SEPTIN6: variants seen among roughly 807,000 people sequenced by gnomAD.
SEPTIN6 encodes septin-6.
A neutral mutation model predicts 33.6 loss-of-function variants in SEPTIN6; 8 were observed. The observed-to-expected ratio is 0.24, with a 90% CI of 0.14 to 0.43. The LOEUF is 0.43. Among genes scored for constraint, SEPTIN6 ranks in the 20% least tolerant of loss-of-function variants. The pLI is 1.00. For missense variants in SEPTIN6, 250 were observed against 340.8 expected, an observed-to-expected ratio of 0.73 and a Z score of 2.10; for synonymous variants, 131 against 140.0, an observed-to-expected ratio of 0.94 and a Z score of 0.45.
At chrX:119,646,391 G>C (rs760448153) in intron 5 of SEPTIN6, among the ~76,000 whole-genome samples, 22 of 111,990 alleles carry the variant, frequency 2.0e-4, no homozygotes, top group Middle Eastern at 4.6e-3. Flanking sequence ...AATTAATGGA[G>C]CTCAGTCAAT....
At chrX:119,661,070 C>T (rs1204225373) in intron 3 of SEPTIN6, among the ~76,000 whole-genome samples, 1 of 77,226 alleles carries the variant, frequency 1.3e-5, no homozygotes, top group East Asian at 4.2e-4. Flanking sequence ...AAAAAAAAAG[C>T]AGAGATGTCT....
chrX:119,659,414 G>A (rs769982999), intron 3 of SEPTIN6, among the ~76,000 whole-genome samples: 1 of 111,721 alleles, frequency 9.0e-6, no homozygotes, highest in Non-Finnish European at 1.9e-5. Flanking sequence ...ATTCTGAAAT[G>A]TATTACTGAC....
At chrX:119,653,585 C>T (rs374170320) in intron 3 of SEPTIN6, among the ~76,000 whole-genome samples, 1 of 112,215 alleles carries the variant, frequency 8.9e-6, no homozygotes, top group South Asian at 3.7e-4. Flanking sequence ...CCCTTTATCT[C>T]GCCCTACAGT....
chrX:119,651,278 A>C (rs1247633049), intron 4 of SEPTIN6, among the ~76,000 whole-genome samples: 1 of 112,207 alleles, frequency 8.9e-6, no homozygotes, highest in Non-Finnish European at 1.9e-5. Flanking sequence ...CCTCCCTTGA[A>C]GTCTTTCAGG....
Position 119,653,036 on chromosome X carries a change from T to C in SEPTIN6, c.346A>G (p.Lys116Glu). Residue 116 changes from lysine (K) to glutamate (E), a missense_variant, in exon 4 of 11, where the codon AAG (lysine) becomes GAG (glutamate). Lys to Glu is a moderately conservative substitution (Grantham distance 56). This residue lies in a region of SEPTIN6 where 111 missense variants were observed against 113.8 expected (regional missense o/e 0.98). Coordinates refer to ENST00000394610, the MANE Select transcript of SEPTIN6 (RefSeq NM_145799.4). ...GCATCGATGAATTCCACGATAGGCT[T>C]GTAGCTAAAAGGGAGAGCAGGGACA... Reference protein sequence around the residue: ...GDQINKEDSYKPIVEFIDAQF... With the variant: ...GDQINKEDSYEPIVEFIDAQF... The C allele has an allele frequency of 8.3e-7, 1 of 1,206,543 alleles. No individual in the cohort carries two copies. Among genetic ancestry groups the C allele is most frequent in the East Asian group, 3.0e-5 (1 of 33,733 alleles).
intron 5 of SEPTIN6, among the ~76,000 whole-genome samples, chrX:119,643,483 C>T (rs552997560): frequency 1.2e-4 from 13 of 110,670 alleles, no homozygotes; most frequent in African/African-American, 2.3e-4. Context: ...CAAGAGACAC[C>T]GTCAGAATGA....
chrX:119,657,882 T>C, intron 3 of SEPTIN6, among the ~76,000 whole-genome samples: 1 of 111,922 alleles, frequency 8.9e-6, no homozygotes, highest in East Asian at 2.8e-4. Flanking sequence ...TCCCAGCACT[T>C]TGGGAGGCCG....
chrX:119,685,418 G>A (rs1297413454), intron 1 of SEPTIN6, among the ~76,000 whole-genome samples: 3 of 111,230 alleles, frequency 2.7e-5, no homozygotes, highest in Non-Finnish European at 5.7e-5. Flanking sequence ...CACCTCATTC[G>A]GAAGCAGACG....
intron 8 of SEPTIN6, among the ~76,000 whole-genome samples, chrX:119,631,130 G>A (rs1391405221): frequency 9.1e-6 from 1 of 110,071 alleles, no homozygotes; most frequent in Non-Finnish European, 1.9e-5. Context: ...TGTCACTTAG[G>A]TGGGTGAGTG....
Position 119,650,018 on chromosome X carries a change from G to A in SEPTIN6, c.609C>T (p.Ser203=), listed in dbSNP as rs143380835. The change falls in exon 5 of 11, where the codon AGC becomes AGT. Residue 203 remains serine, a synonymous_variant. Coordinates refer to ENST00000394610, the MANE Select transcript of SEPTIN6 (RefSeq NM_145799.4). The part of the protein sequence containing the change: ...ELTKFKIKIT[S]ELVSNGVQIY... ...TCTGGACTCCGTTGCTGACAAGCTC[G>A]CTGGTGATTTTGATTTTGAACTTTG... is the stretch of plus-strand genomic sequence containing the variant. 2.2e-5 allele frequency: 27 copies of A among 1,209,357 alleles called. No individual in the cohort carries two copies. The highest frequency in any genetic ancestry group is 1.3e-4 in the Admixed American group (6 of 45,789).
intron 1 of SEPTIN6, among the ~76,000 whole-genome samples, chrX:119,689,395 C>T (rs768198960): frequency 1.8e-5 from 2 of 112,297 alleles, no homozygotes; most frequent in African/African-American, 3.2e-5. Flanking sequence ...TGAGGTGGGG[C>T]ATCACAAGGA....
chrX:119,618,418 A>C lies in SEPTIN6; in HGVS notation c.*1675T>G. On this transcript the variant is annotated 3_prime_UTR_variant, in exon 11 of 11. Coordinates refer to ENST00000394610, the MANE Select transcript of SEPTIN6 (RefSeq NM_145799.4). The stretch of plus-strand genomic sequence containing the variant: ...TTTCATTTTTTTCTTTTTGCTTCCT[A>C]TTATGATCTATAATTGAAGTGAGAA... 1.2e-6 allele frequency: 1 copy of C among 857,171 alleles called. No homozygotes were observed. The highest frequency in any genetic ancestry group is 2.1e-5 in the African/African-American group (1 of 47,698). 70.6% of individuals were successfully genotyped at this position (857,171 alleles called of 1,213,427 possible).
intron 3 of SEPTIN6, among the ~76,000 whole-genome samples, chrX:119,659,134 A>T (rs1281057025): frequency 9.0e-6 from 1 of 111,663 alleles, no homozygotes; most frequent in Non-Finnish European, 1.9e-5. Flanking sequence ...ATGGGAATCT[A>T]TTTTTGTGAA....
At chrX:119,644,677 T>C (rs1162516481) in intron 5 of SEPTIN6, among the ~76,000 whole-genome samples, 2 of 110,132 alleles carry the variant, frequency 1.8e-5, no homozygotes, top group Non-Finnish European at 3.8e-5. Flanking sequence ...TGAAACCTCA[T>C]CTCTACTAAA....
At position 119,619,262 on chromosome X, in the gene SEPTIN6, G is replaced by A; in HGVS notation, c.*831C>T. 7 of 816,093 alleles carry A rather than the reference G, an allele frequency of 8.6e-6. No homozygotes were observed. Among genetic ancestry groups the A allele is most frequent in the Non-Finnish European group, 1.0e-5 (7 of 678,050 alleles). The allele number at this position is 816,093 out of a possible 1,213,427, so 67.3% of individuals were successfully genotyped here. On this transcript the variant is annotated 3_prime_UTR_variant, in exon 11 of 11. Transcript: ENST00000394610. ...GGAGCCCTTCCGGAAATTACCCCCC[G>A]AGATGCTGAAATACCTCACAAGAAG...
intron 10 of SEPTIN6, chrX:119,624,169 G>A: frequency 5.7e-6 from 1 of 174,219 alleles, no homozygotes; most frequent in Non-Finnish European, 1.1e-5. Flanking sequence ...TTTTTTTTTT[G>A]TTTGTTTGTT....
chrX:119,621,795 T>C, intron 10 of SEPTIN6, among the ~76,000 whole-genome samples: 1 of 78,878 alleles, frequency 1.3e-5, no homozygotes, highest in African/African-American at 4.6e-5. Context: ...CCCAGCCAAC[T>C]CTCTTAAAAA....
chrX:119,663,385 C>T (rs2147581340), intron 3 of SEPTIN6, 97 bp downstream of exon 3: 1 of 754,365 alleles, frequency 1.3e-6, no homozygotes, highest in Non-Finnish European at 1.9e-6. Flanking sequence ...AGGCTTGGGC[C>T]CGATATCTGT....
intron 8 of SEPTIN6, among the ~76,000 whole-genome samples, chrX:119,631,580 TCTC>T (rs2053962670): frequency 9.1e-6 from 1 of 109,752 alleles, no homozygotes; most frequent in Non-Finnish European, 1.9e-5. Flanking sequence ...TCCCCTCACT[TCTC>T]CTCCTAAAAG....
Sources: allele counts gnomAD v4.1 joint callset (sites outside exome capture counted in the v4.1 genomes callset), GRCh38; gene constraint gnomAD v4.1.1; regional missense constraint gnomAD v4.1.1; transcripts MANE v1.5; gene names NCBI Gene and HGNC (gene_info 2026-07-23, HGNC 2026-07-21).